SIPA1L3: variants seen among roughly 807,000 people sequenced by gnomAD.
SIPA1L3 encodes the protein signal-induced proliferation-associated 1-like protein 3.
A neutral mutation model predicts 150.1 loss-of-function variants in SIPA1L3; 59 were observed. The observed-to-expected ratio is 0.39, with a 90% CI of 0.32 to 0.49. The LOEUF is 0.49. SIPA1L3 is among the 20% of genes least tolerant of loss of function. The pLI, the probability that SIPA1L3 is intolerant of heterozygous loss-of-function variation, is 0.86. For synonymous variants in SIPA1L3, 1,070 were observed against 1,077.6 expected (o/e 0.99, Z 0.14); for missense variants, 2,211 against 2,489.5 (o/e 0.89, Z 2.38).
rs1044236614 is a variant in SIPA1L3, at chr19:38,081,385, A to G, written c.-181A>G. On this transcript the variant is annotated 5_prime_UTR_variant, in exon 3 of 22. Transcript: ENST00000222345. ...CTGCTTCCTGAGGTTGTCCTGGCTC[A>G]GCTGTGCACAGCGATGGTGGAGAAC... 5.0e-6 allele frequency: 3 copies of G among 598,870 alleles called. No homozygotes were observed. The African/African-American group carries it at 5.6e-5, about 11-fold the overall frequency. The allele number at this position is 598,870 out of a possible 1,614,324, so 37.1% of individuals were successfully genotyped here. A position where few individuals can be genotyped will look rare whatever the true frequency, so the allele number is the denominator to read the frequency against.
rs1486828704 is a variant in SIPA1L3 at position 38,082,504 on chromosome 19, G to A, written c.939G>A (p.Glu313=). Residue 313 remains glutamate (E), a synonymous_variant, in exon 3 of 22, where the codon GAG becomes GAA. Transcript: ENST00000222345. The part of the protein sequence containing the change: ...RKLRSSKPEG[E]AGRSPGEADE... The stretch of plus-strand genomic sequence containing the variant: ...TAAGGAGCAGCAAACCCGAGGGGGA[G>A]GCTGGGCGTTCCCCGGGGGAGGCCG... 1.9e-6 allele frequency: 3 copies of A among 1,596,086 alleles called. No individual in the cohort carries two copies. The highest frequency in any genetic ancestry group is 4.5e-5 in the East Asian group (2 of 44,520).
intron 1 of SIPA1L3, among the ~76,000 whole-genome samples, chr19:37,980,314 TGAA>T (rs1302657557): frequency 2.0e-5 from 3 of 152,168 alleles, no homozygotes; most frequent in Admixed American, 2.0e-4. Flanking sequence ...CAAGCAAATA[TGAA>T]TATATATTTT....
rs1211393041 is a variant in SIPA1L3 at position 38,029,147 on chromosome 19, G to C, written c.-320G>C. On this transcript the variant is annotated 5_prime_UTR_variant, in exon 2 of 22. Transcript: ENST00000222345. ...CCTCCAAGAGCACTAGTGTCTAGAAGGCACTAAGGGTGAGTAAGGCGTGGC... is the reference window on the plus strand; with the variant it reads ...CCTCCAAGAGCACTAGTGTCTAGAACGCACTAAGGGTGAGTAAGGCGTGGC... 6.6e-6 allele frequency: 1 copy of C among 152,118 alleles called. No individual in the cohort carries two copies. Among genetic ancestry groups the C allele is most frequent in the Non-Finnish European group, 1.5e-5 (1 of 68,028 alleles). The allele number at this position is 152,118 out of a possible 1,614,324, so 9.4% of individuals were successfully genotyped here. A position where few individuals can be genotyped will look rare whatever the true frequency, so the allele number is the denominator to read the frequency against.
chr19:37,966,287 G>A (rs1027605045), intron 1 of SIPA1L3, among the ~76,000 whole-genome samples: 5 of 152,146 alleles, frequency 3.3e-5, no homozygotes, highest in South Asian at 2.1e-4. Flanking sequence ...CAGTGGCCTC[G>A]GGCACCTGCC....
intron 4 of SIPA1L3, among the ~76,000 whole-genome samples, chr19:38,092,850 AG>A (rs1047381428): frequency 2.9e-5 from 4 of 138,846 alleles, no homozygotes; most frequent in African/African-American, 1.1e-4. Flanking sequence ...GCAGGTGCTT[AG>A]ATTTTTTTTT....
chr19:38,083,067 C>A lies in SIPA1L3; in HGVS notation c.1502C>A (p.Ala501Asp). ...QYSIEHVDLG[A>D]RYYQDYFVGK... ...AGCATCGAGCATGTGGACCTGGGCG[C>A]CCGCTACTACCAGGATTACTTCGTG... Residue 501 changes from alanine to aspartate, a missense_variant, in exon 3 of 22, where the codon GCC becomes GAC. Coordinates refer to ENST00000222345, the MANE Select transcript of SIPA1L3 (RefSeq NM_015073.3). 1 of 1,612,008 alleles carries A rather than the reference C, an allele frequency of 6.2e-7. No homozygotes were observed. The highest frequency in any genetic ancestry group is 8.5e-7 in the Non-Finnish European group (1 of 1,179,930).
intron 1 of SIPA1L3, among the ~76,000 whole-genome samples, chr19:38,005,482 C>G (rs1967919164): frequency 6.6e-6 from 1 of 152,106 alleles, no homozygotes; most frequent in African/African-American, 2.4e-5. Context: ...GCCCACTACC[C>G]CTGCCCTTCT....
chr19:37,953,222 G>T lies in SIPA1L3; in HGVS notation c.-379+45864G>T, dbSNP rs1205063876. 4.6e-5 allele frequency among the ~76,000 whole-genome samples: 7 copies of T among 152,284 alleles called. 1 individual carries two copies. The South Asian group carries it at 1.2e-3, about 27-fold the overall frequency. On this transcript the variant is annotated intron_variant, in intron 1 of 21. Coordinates refer to ENST00000222345, the MANE Select transcript of SIPA1L3 (RefSeq NM_015073.3). ...TCAAATGAATGAAAGTAGAGTTTAAGTCTGCAGTTTTTTTCCTCTTTGGAA... is the reference window on the plus strand; with the variant it reads ...TCAAATGAATGAAAGTAGAGTTTAATTCTGCAGTTTTTTTCCTCTTTGGAA...
intron 2 of SIPA1L3, among the ~76,000 whole-genome samples, chr19:38,037,111 T>C (rs927361382): frequency 1.3e-5 from 2 of 152,052 alleles, no homozygotes; most frequent in African/African-American, 4.8e-5. Context: ...TGCAGAGGTG[T>C]CCCCCTGCCT....
chr19:37,941,071 T>TACGTAC (rs1555767524), intron 1 of SIPA1L3, among the ~76,000 whole-genome samples: 1 of 133,086 alleles, frequency 7.5e-6, no homozygotes, highest in African/African-American at 2.7e-5. Flanking sequence ...GTTTGAGATG[T>TACGTAC]ACACACACAC....
intron 1 of SIPA1L3, among the ~76,000 whole-genome samples, chr19:37,943,280 C>T (rs1205045452): frequency 7.2e-5 from 11 of 152,096 alleles, no homozygotes; most frequent in Admixed American, 7.2e-4. Flanking sequence ...AAGTGAAGTC[C>T]TTAATCCTTG....
intron 1 of SIPA1L3, among the ~76,000 whole-genome samples, chr19:37,988,480 A>G (rs1342852247): frequency 6.6e-6 from 1 of 152,172 alleles, no homozygotes; most frequent in African/African-American, 2.4e-5. Flanking sequence ...GTTTGAGACC[A>G]GCCTGGCCAA....
intron 9 of SIPA1L3, among the ~76,000 whole-genome samples, chr19:38,127,831 T>C (rs977497321): frequency 6.6e-6 from 1 of 151,984 alleles, no homozygotes; most frequent in African/African-American, 2.4e-5. Flanking sequence ...GTGTTAAAGG[T>C]TAGATATCTT....
intron 2 of SIPA1L3, among the ~76,000 whole-genome samples, chr19:38,037,710 G>A (rs546936659): frequency 4.4e-4 from 67 of 152,126 alleles, no homozygotes; most frequent in Non-Finnish European, 8.8e-4. Flanking sequence ...CAGATACATA[G>A]GATAATTTTT....
At chr19:38,104,602 C>T (rs1007682954) in intron 6 of SIPA1L3, among the ~76,000 whole-genome samples, 6 of 152,060 alleles carry the variant, frequency 3.9e-5, no homozygotes, top group African/African-American at 1.2e-4. Flanking sequence ...GAGACAGTCT[C>T]GCTCTGTCAC....
intron 2 of SIPA1L3, among the ~76,000 whole-genome samples, chr19:38,045,301 C>T (rs185233051): frequency 7.9e-5 from 12 of 151,894 alleles, no homozygotes; most frequent in African/African-American, 2.7e-4. Context: ...CACTTGAACC[C>T]GGGAGGCGGA....
intron 16 of SIPA1L3, among the ~76,000 whole-genome samples, chr19:38,190,616 G>A (rs751669471): frequency 1.3e-5 from 2 of 152,162 alleles, no homozygotes; most frequent in Admixed American, 6.5e-5. Flanking sequence ...TCTTCCCCAG[G>A]TTCAAAGCCT....
At chr19:38,114,293 C>A (rs760173373) in intron 8 of SIPA1L3, among the ~76,000 whole-genome samples, 3 of 151,972 alleles carry the variant, frequency 2.0e-5, no homozygotes, top group African/African-American at 4.8e-5. Flanking sequence ...CATGGTGGCA[C>A]ATGCCTGTAA....
At chr19:37,919,020 G>C (rs2046436423) in intron 1 of SIPA1L3, among the ~76,000 whole-genome samples, 2 of 152,298 alleles carry the variant, frequency 1.3e-5, no homozygotes, top group South Asian at 2.1e-4. Context: ...AGCAACAGCA[G>C]AGCTTAGCTT....
Sources: gnomAD v4.1 joint callset for allele counts (sites outside exome capture counted in the v4.1 genomes callset) on GRCh38, gnomAD v4.1.1 for gene constraint, MANE v1.5 for transcripts, NCBI Gene and HGNC (gene_info 2026-07-23, HGNC 2026-07-21) for gene names.